AKAP10: variants seen among roughly 807,000 people sequenced by gnomAD.
AKAP10 encodes the protein A-kinase anchoring protein 10, also known as A-kinase anchor protein 10, mitochondrial.
AKAP10 carries 24 observed loss-of-function variants against 80.8 expected under a neutral mutation model. The observed-to-expected ratio is 0.30, with a 90% CI of 0.22 to 0.42. AKAP10 has a LOEUF of 0.42. Among genes scored for constraint, AKAP10 ranks in the 10% least tolerant of loss-of-function variants. AKAP10 has a pLI of 1.00. For missense variants in AKAP10, 661 were observed against 794.9 expected (o/e 0.83, Z 2.03); for synonymous variants, 291 against 277.7 (o/e 1.05, Z -0.48).
intron 11 of AKAP10, among the ~76,000 whole-genome samples, chr17:19,922,291 A>C (rs2042826209): frequency 6.6e-6 from 1 of 152,220 alleles, no homozygotes; most frequent in African/African-American, 2.4e-5. Flanking sequence ...TATTTTAGAG[A>C]TATCTTCCTA....
chr17:19,971,051 A>C (rs867023342), intron 1 of AKAP10, among the ~76,000 whole-genome samples: 2 of 151,678 alleles, frequency 1.3e-5, no homozygotes, highest in South Asian at 2.1e-4. Context: ...GGGTCTTGCT[A>C]TCTCGCCCAG....
At chr17:19,960,817 G>C (rs1043650692) in intron 3 of AKAP10, among the ~76,000 whole-genome samples, 1 of 151,994 alleles carries the variant, frequency 6.6e-6, no homozygotes, top group African/African-American at 2.4e-5. Context: ...CCTGAGGTCA[G>C]GAGTTCAAAA....
intron 1 of AKAP10, among the ~76,000 whole-genome samples, chr17:19,970,253 AC>A (rs535394725): frequency 1.3e-5 from 2 of 152,294 alleles, no homozygotes; most frequent in East Asian, 3.9e-4. Flanking sequence ...GTCATCCTTA[AC>A]ATGGTCTGTT....
chr17:19,950,241 G>A (rs536942487), intron 4 of AKAP10, among the ~76,000 whole-genome samples: 10 of 151,634 alleles, frequency 6.6e-5, no homozygotes, highest in South Asian at 4.2e-4. Flanking sequence ...AAATAAATAA[G>A]TAAGATAAAT....
intron 4 of AKAP10, among the ~76,000 whole-genome samples, chr17:19,950,773 G>A (rs1015767426): frequency 6.7e-5 from 10 of 149,762 alleles, no homozygotes; most frequent in Middle Eastern, 3.6e-3. Context: ...GCCGCCCATC[G>A]TCTGGGATGT....
At chr17:19,929,928 G>A (rs2042914100) in intron 10 of AKAP10, among the ~76,000 whole-genome samples, 2 of 148,120 alleles carry the variant, frequency 1.4e-5, no homozygotes, top group Admixed American at 1.4e-4. Context: ...AGTGAGCCAC[G>A]ATCGTGCCAT....
At chr17:19,963,564 T>C (rs1028714236) in intron 2 of AKAP10, among the ~76,000 whole-genome samples, 2 of 152,036 alleles carry the variant, frequency 1.3e-5, no homozygotes, top group Non-Finnish European at 2.9e-5. Flanking sequence ...AAAACTAAAA[T>C]TGCAGAATAA....
At chr17:19,953,070 C>T (rs1402776668) in intron 4 of AKAP10, among the ~76,000 whole-genome samples, 1 of 151,420 alleles carries the variant, frequency 6.6e-6, no homozygotes, top group Non-Finnish European at 1.5e-5. Flanking sequence ...TATTCTCTGA[C>T]CATAATATAA....
intron 3 of AKAP10, among the ~76,000 whole-genome samples, chr17:19,961,110 C>T (rs1011805690): frequency 6.7e-6 from 1 of 150,356 alleles, no homozygotes; most frequent in African/African-American, 2.5e-5. Flanking sequence ...GGGAGGCCTA[C>T]GCAAGTGGAT....
At chr17:19,909,339 C>T (rs932678070) in intron 13 of AKAP10, 63 bp from the exon 14 acceptor site, 20 of 1,368,780 alleles carry the variant, frequency 1.5e-5, no homozygotes, top group Non-Finnish European at 1.9e-5. Flanking sequence ...GATGCACATA[C>T]TCAGTGCTCT....
chr17:19,976,959 A>G (rs1286230837), intron 1 of AKAP10, among the ~76,000 whole-genome samples: 2 of 152,222 alleles, frequency 1.3e-5, no homozygotes, highest in Admixed American at 1.3e-4. Flanking sequence ...AGCTGTTTCT[A>G]CGTAAACATT....
intron 10 of AKAP10, among the ~76,000 whole-genome samples, chr17:19,931,305 C>G (rs2042929821): frequency 6.6e-6 from 1 of 151,586 alleles, no homozygotes; most frequent in Non-Finnish European, 1.5e-5. Context: ...CTAAATGAAA[C>G]AGCATGATAC....
chr17:19,938,020 G>GT (rs1015024931), intron 8 of AKAP10, among the ~76,000 whole-genome samples: 3 of 149,178 alleles, frequency 2.0e-5, no homozygotes, highest in African/African-American at 5.0e-5. Flanking sequence ...TGCCTCCCGG[G>GT]TTCAAGCAAT....
At chr17:19,918,789 G>A (rs374407005) in intron 12 of AKAP10, among the ~76,000 whole-genome samples, 3 of 152,146 alleles carry the variant, frequency 2.0e-5, no homozygotes, top group African/African-American at 7.2e-5. Context: ...AAACCAGGAA[G>A]AAAATGAAAT....
chr17:19,922,459 G>A (rs948035135), intron 11 of AKAP10, among the ~76,000 whole-genome samples: 3 of 151,724 alleles, frequency 2.0e-5, no homozygotes, highest in African/African-American at 7.3e-5. Flanking sequence ...TCACCATGTC[G>A]GCCAGGCTGG....
chr17:19,920,022 A>C lies in AKAP10; in HGVS notation c.1834+14T>G. 1.2e-6 allele frequency: 2 copies of C among 1,604,920 alleles called. No individual in the cohort carries two copies. Among genetic ancestry groups the C allele is most frequent in the East Asian group, 2.2e-5 (1 of 44,784 alleles). On this transcript the variant is annotated intron_variant, in intron 12 of 14. Transcript: ENST00000225737. ...GAGTAAAGGCTTAATATGAAGTATA[A>C]AAACACCACAAACCTTTTGATTTCC...
intron 3 of AKAP10, among the ~76,000 whole-genome samples, chr17:19,962,518 T>C (rs1447337160): frequency 6.6e-6 from 1 of 152,220 alleles, no homozygotes; most frequent in African/African-American, 2.4e-5. Context: ...TTAAAAAATA[T>C]GCTAATGTGT....
chr17:19,947,284 A>G, intron 5 of AKAP10, 123 bp downstream of exon 5: 2 of 756,368 alleles, frequency 2.6e-6, no homozygotes, highest in Non-Finnish European at 4.4e-6. Context: ...CTCAGAAAAC[A>G]AATTAGGAAG....
chr17:19,970,946 G>C (rs1171434707), intron 1 of AKAP10, among the ~76,000 whole-genome samples: 1 of 151,836 alleles, frequency 6.6e-6, no homozygotes, highest in Non-Finnish European at 1.5e-5. Context: ...TTGTTGTCCA[G>C]GCTAGAGTGC....
Sources: gnomAD v4.1 joint callset for allele counts (sites outside exome capture counted in the v4.1 genomes callset) on GRCh38, gnomAD v4.1.1 for gene constraint, MANE v1.5 for transcripts, NCBI Gene and HGNC (gene_info 2026-07-23, HGNC 2026-07-21) for gene names.